Variants in AGBL1 observed in about 807,000 individuals in gnomAD.
AGBL1 encodes the protein AGBL carboxypeptidase 1, also known as cytosolic carboxypeptidase 4.
A neutral mutation model predicts 118.9 loss-of-function variants in AGBL1; 130 were observed. That is an observed-to-expected ratio of 1.09 (90% CI 0.95 to 1.26). The LOEUF (loss-of-function observed/expected upper bound fraction) is 1.26, where lower values mean the gene tolerates loss of function less well. Ranked by LOEUF, AGBL1 falls within the 50% of genes most tolerant of loss-of-function variation. AGBL1 has a pLI of 0.00. For synonymous variants in AGBL1, 555 were observed against 478.9 expected (o/e 1.16, Z -2.08); for missense variants, 1,584 against 1,298.1 (o/e 1.22, Z -3.38).
At chr15:86,125,281 C>T (rs1263389734) in intron 1 of AGBL1, among the ~76,000 whole-genome samples, 1 of 152,206 alleles carries the variant, frequency 6.6e-6, no homozygotes, top group Non-Finnish European at 1.5e-5. Context: ...CCCTCCACTT[C>T]CTCACTGTCC....
At chr15:86,601,578 A>G (rs1422230299) in intron 21 of AGBL1, among the ~76,000 whole-genome samples, 2 of 152,158 alleles carry the variant, frequency 1.3e-5, no homozygotes, top group Non-Finnish European at 2.9e-5. Context: ...AGATACGAGT[A>G]AGGTTCTTTC....
At chr15:86,137,812 A>G (rs544976052) in intron 1 of AGBL1, among the ~76,000 whole-genome samples, 1 of 152,248 alleles carries the variant, frequency 6.6e-6, no homozygotes, top group South Asian at 2.1e-4. Flanking sequence ...TTTGAAGCAA[A>G]TGGGGTTTTC....
intron 24 of AGBL1, among the ~76,000 whole-genome samples, chr15:86,994,008 C>T (rs1020213073): frequency 3.9e-5 from 6 of 152,076 alleles, no homozygotes; most frequent in Admixed American, 3.3e-4. Context: ...TTTCATTCGA[C>T]GTCACAACGC....
rs28608729 is a variant in AGBL1, at chr15:86,753,466, T to C, written c.3158+79030T>C. Among the ~76,000 whole-genome samples, 860 of 150,434 alleles carry C rather than the reference T, an allele frequency of 5.7e-3. 6 individuals are homozygous for C. Among genetic ancestry groups the C allele is most frequent in the African/African-American group, 0.018 (749 of 40,800 alleles). ...AGGCTGGAGTGCAGTGGCATGATCT[T>C]GACTCACTGCAACTTTTGCCTCCCG... On this transcript the variant is annotated intron_variant, in intron 22 of 22. Coordinates refer to ENST00000614907, the MANE Select transcript of AGBL1 (RefSeq NM_001386094.1).
chr15:86,478,128 C>T (rs1822820788), intron 18 of AGBL1, among the ~76,000 whole-genome samples: 1 of 152,098 alleles, frequency 6.6e-6, no homozygotes, highest in African/African-American at 2.4e-5. Context: ...CAATATCATA[C>T]TGAATGGGCA....
At chr15:86,346,670 G>A (rs2080542992) in intron 17 of AGBL1, among the ~76,000 whole-genome samples, 1 of 152,154 alleles carries the variant, frequency 6.6e-6, no homozygotes, top group Non-Finnish European at 1.5e-5. Context: ...TTATGGTCAA[G>A]TGAAAGCTCA....
At chr15:86,768,269 C>A (rs1191716309) in intron 22 of AGBL1, among the ~76,000 whole-genome samples, 3 of 151,908 alleles carry the variant, frequency 2.0e-5, no homozygotes. Flanking sequence ...ATCTCCATAC[C>A]CTTCCCATTG....
intron 22 of AGBL1, among the ~76,000 whole-genome samples, chr15:86,703,247 C>A (rs761314844): frequency 6.6e-5 from 10 of 152,138 alleles, no homozygotes; most frequent in Non-Finnish European, 1.0e-4. Flanking sequence ...AATAGATATA[C>A]ATCAAGAAAA....
At chr15:86,744,197 C>A (rs907014298) in intron 22 of AGBL1, among the ~76,000 whole-genome samples, 1 of 152,034 alleles carries the variant, frequency 6.6e-6, no homozygotes, top group African/African-American at 2.4e-5. Context: ...GGCAGGACTT[C>A]CTATTGACAG....
chr15:86,419,153 T>C (rs187881892), intron 18 of AGBL1, among the ~76,000 whole-genome samples: 2 of 151,404 alleles, frequency 1.3e-5, no homozygotes, highest in East Asian at 3.9e-4. Context: ...ACGGCAAAAT[T>C]TGGGGGGTGG....
intron 18 of AGBL1, among the ~76,000 whole-genome samples, chr15:86,496,943 A>C (rs1253510773): frequency 6.6e-6 from 1 of 152,042 alleles, no homozygotes; most frequent in East Asian, 1.9e-4. Context: ...GGTGTACGAC[A>C]TGATGTTTTG....
intron 6 of AGBL1, among the ~76,000 whole-genome samples, chr15:86,242,501 G>A (rs2078655927): frequency 6.6e-6 from 1 of 152,206 alleles, no homozygotes; most frequent in Non-Finnish European, 1.5e-5. Context: ...CTAGAAAGTG[G>A]TGGAGCTTCT....
intron 22 of AGBL1, among the ~76,000 whole-genome samples, chr15:86,801,604 T>C (rs1422103939): frequency 6.6e-6 from 1 of 152,130 alleles, no homozygotes; most frequent in African/African-American, 2.4e-5. Flanking sequence ...TATCTGTCTG[T>C]ATCTGTGTGT....
At chr15:86,091,501 A>T (rs1896023461) in intron 1 of AGBL1, among the ~76,000 whole-genome samples, 1 of 152,230 alleles carries the variant, frequency 6.6e-6, no homozygotes, top group South Asian at 2.1e-4. Context: ...CTGTCTGCCT[A>T]TGCAGTTATG....
At chr15:86,428,241 G>C (rs1001828723) in intron 18 of AGBL1, among the ~76,000 whole-genome samples, 2 of 152,174 alleles carry the variant, frequency 1.3e-5, no homozygotes, top group Non-Finnish European at 2.9e-5. Context: ...GCACAGCTTT[G>C]GGTAGAAAGA....
chr15:87,018,316 G>A (rs2594339), intron 24 of AGBL1, among the ~76,000 whole-genome samples: 93,227 of 151,542 alleles, frequency 0.62, 29,176 homozygotes, highest in South Asian at 0.73. Context: ...CATAATCATC[G>A]GATTCTCTAA....
At chr15:86,903,762 G>A (rs1008627279) in intron 22 of AGBL1, among the ~76,000 whole-genome samples, 2 of 152,146 alleles carry the variant, frequency 1.3e-5, no homozygotes, top group Non-Finnish European at 2.9e-5. Context: ...CTACTGCTGG[G>A]CCATGGTGGG....
chr15:86,631,389 A>C (rs1439820631), intron 21 of AGBL1, among the ~76,000 whole-genome samples: 1 of 152,294 alleles, frequency 6.6e-6, no homozygotes, highest in East Asian at 1.9e-4. Flanking sequence ...CAACAGTCTT[A>C]AGGGGTCAGT....
chr15:87,024,732 T>C (rs2081707796), intron 24 of AGBL1, among the ~76,000 whole-genome samples: 1 of 152,056 alleles, frequency 6.6e-6, no homozygotes, highest in African/African-American at 2.4e-5. Context: ...GCTAAAATCC[T>C]CAACAAAATA....
Sources: allele counts gnomAD v4.1 joint callset (sites outside exome capture counted in the v4.1 genomes callset), GRCh38; gene constraint gnomAD v4.1.1; transcripts MANE v1.5; gene names NCBI Gene and HGNC (gene_info 2026-07-23, HGNC 2026-07-21).